The following ADGRE1 variants were observed in gnomAD, a reference collection of about 807,000 sequenced individuals.
ADGRE1 encodes the protein EGF-like module receptor 1.
Under a neutral mutation model 102.7 loss-of-function variants are expected in ADGRE1, and 82 were observed. That is an observed-to-expected ratio of 0.80 (90% CI 0.67 to 0.96). ADGRE1 has a LOEUF of 0.96. Ranked by LOEUF, ADGRE1 falls within the 40% of genes least tolerant of loss-of-function variation. The probability of loss-of-function intolerance (pLI) is 0.00; values close to 1 mark genes in which losing one functional copy is unlikely to be tolerated. For synonymous variants in ADGRE1, 398 were observed against 399.6 expected (o/e 1.00, Z 0.05); for missense variants, 1,032 against 1,085.3 (o/e 0.95, Z 0.69).
At chr19:6,903,285 T>C (rs388089) in intron 6 of ADGRE1, among the ~76,000 whole-genome samples, 56,282 of 152,052 alleles carry the variant, frequency 0.37, 12,240 homozygotes, top group African/African-American at 0.6. Context: ...TGGGCATGTC[T>C]TATGGAAAGC....
chr19:6,936,242 C>T (rs1975395242), intron 18 of ADGRE1, among the ~76,000 whole-genome samples: 1 of 152,058 alleles, frequency 6.6e-6, no homozygotes, highest in Non-Finnish European at 1.5e-5. Flanking sequence ...CGAGATCATC[C>T]TGGCTAACAT....
chr19:6,894,076 C>G (rs376766138), intron 2 of ADGRE1, among the ~76,000 whole-genome samples: 1 of 152,242 alleles, frequency 6.6e-6, no homozygotes, highest in African/African-American at 2.4e-5. Context: ...CATTCATTGC[C>G]CCTGGATGAT....
Position 6,926,503 on chromosome 19 carries a change from C to A in ADGRE1, c.2124C>A (p.Ile708=). ...TGAATTACTTCAGCTCTCGCAACAT[C>A]AAGATGCTGCACATCTGTGCCTTTG... ...KVVNYFSSRN[I]KMLHICAFGY... The change falls in exon 16 of 21, where the codon ATC becomes ATA. Residue 708 remains isoleucine (I), a synonymous_variant. Coordinates refer to ENST00000312053, the MANE Select transcript of ADGRE1 (RefSeq NM_001974.5). The A allele has an allele frequency of 6.2e-7, 1 of 1,614,248 alleles. No individual in the cohort carries two copies. The highest frequency in any genetic ancestry group is 8.5e-7 in the Non-Finnish European group (1 of 1,180,052).
At chr19:6,906,973 C>G (rs562229549) in intron 9 of ADGRE1, among the ~76,000 whole-genome samples, 1 of 152,084 alleles carries the variant, frequency 6.6e-6, no homozygotes, top group Non-Finnish European at 1.5e-5. Flanking sequence ...AATAAAAGAA[C>G]GGGAGAATAT....
chr19:6,894,869 C>T (rs1973494974), intron 2 of ADGRE1: 1 of 152,158 alleles, frequency 6.6e-6, no homozygotes, highest in Non-Finnish European at 1.5e-5. Flanking sequence ...ATCAACAGGG[C>T]TTGGAGGCTT....
chr19:6,898,694 C>A lies in ADGRE1; in HGVS notation c.514+1147C>A. The A allele has an allele frequency of 7.3e-6, 7 of 957,068 alleles. No individual in the cohort carries two copies. The South Asian group carries it at 1.1e-4, about 15-fold the overall frequency. 59.3% of individuals were successfully genotyped at this position (957,068 alleles called of 1,614,324 possible). On this transcript the variant is annotated intron_variant, in intron 5 of 20. Transcript: ENST00000312053. The stretch of plus-strand genomic sequence containing the variant: ...CAAGTTGGATTCATCTCTAGAAACT[C>A]TATCTCTTTATTATTTACCTGCTTA...
intron 6 of ADGRE1, among the ~76,000 whole-genome samples, chr19:6,902,460 A>C (rs1457384283): frequency 6.6e-6 from 1 of 151,716 alleles, no homozygotes; most frequent in Non-Finnish European, 1.5e-5. Flanking sequence ...TTTTGTTTTG[A>C]GATGGAGTCT....
rs911459773 is a variant in ADGRE1 at position 6,909,863 on chromosome 19, T to C, written c.1122+1091T>C. Among the ~76,000 whole-genome samples the C allele has an allele frequency of 6.6e-5, 10 of 152,022 alleles. No homozygotes were observed. In the South Asian group the frequency reaches 1.7e-3, roughly 25 times the overall value. Reference sequence around the variant, plus strand: ...GATTCTCCTGCCTCAGCCTCCCGAGTAGTTGGGATTACAGGCATGCGCCAC... The same window carrying C: ...GATTCTCCTGCCTCAGCCTCCCGAGCAGTTGGGATTACAGGCATGCGCCAC... On this transcript the variant is annotated intron_variant, in intron 10 of 20. Coordinates refer to ENST00000312053, the MANE Select transcript of ADGRE1 (RefSeq NM_001974.5).
In ADGRE1 at chr19:6,891,440, C is replaced by G. The variant is rs566023760; in HGVS notation, c.94+897C>G. 4.6e-5 allele frequency among the ~76,000 whole-genome samples: 7 copies of G among 151,500 alleles called. No individual in the cohort carries two copies. The East Asian group carries it at 1.4e-3, about 29-fold the overall frequency. On this transcript the variant is annotated intron_variant, in intron 2 of 20. Coordinates refer to ENST00000312053, the MANE Select transcript of ADGRE1 (RefSeq NM_001974.5). ...AGCAACTTGGTCTATATTGTGTTAA[C>G]AGCTCATCTTTCACATTTTTTTTTT...
chr19:6,887,736 A>G (rs1049800565), intron 1 of ADGRE1, 97 bp downstream of exon 1: 19 of 1,340,650 alleles, frequency 1.4e-5, no homozygotes, highest in East Asian at 1.2e-4. Context: ...CCAAGAGATC[A>G]TAAGTCCAGA....
Position 6,890,532 on chromosome 19 carries a change from C to G in ADGRE1, c.83C>G (p.Pro28Arg). The G allele has an allele frequency of 6.2e-7, 1 of 1,610,388 alleles. No homozygotes were observed. Among genetic ancestry groups the G allele is most frequent in the Non-Finnish European group, 8.5e-7 (1 of 1,178,660 alleles). The change falls in exon 2 of 21, where the codon CCA becomes CGA. Residue 28 changes from proline (P) to arginine (R), a missense_variant. Physicochemically the swap from Pro to Arg is moderately radical, Grantham distance 103. Coordinates refer to ENST00000312053, the MANE Select transcript of ADGRE1 (RefSeq NM_001974.5). Reference sequence around the variant, plus strand: ...GGGCACATAAGACCCACACGGAAACCAAACACAAAGGGTAAGTTGGCCAGA... The same window carrying G: ...GGGCACATAAGACCCACACGGAAACGAAACACAAAGGGTAAGTTGGCCAGA... ...WEGHIRPTRK[P>R]NTKGNNCRDS...
In ADGRE1 at chr19:6,896,394, C is replaced by G. The variant is rs1973551506; in HGVS notation, c.95-4C>G. On this transcript the variant is annotated splice_polypyrimidine_tract_variant and splice_region_variant and intron_variant, in intron 2 of 20. Coordinates refer to ENST00000312053, the MANE Select transcript of ADGRE1 (RefSeq NM_001974.5). ...GTCTAAACTTTTCTTTATACACTGC[C>G]TAGGTAATAACTGTAGAGACAGTAC... 1.2e-6 allele frequency: 2 copies of G among 1,613,530 alleles called. No individual in the cohort carries two copies. The highest frequency in any genetic ancestry group is 1.3e-5 in the African/African-American group (1 of 74,910).
chr19:6,934,179 G>C (rs1489610954), intron 17 of ADGRE1, among the ~76,000 whole-genome samples: 4 of 152,104 alleles, frequency 2.6e-5, no homozygotes, highest in African/African-American at 9.7e-5. Context: ...CTGCTTGGAG[G>C]CTGTTGCACG....
At chr19:6,913,877 G>A in intron 11 of ADGRE1, 47 bp downstream of exon 11, 3 of 1,467,406 alleles carry the variant, frequency 2.0e-6, no homozygotes, top group Non-Finnish European at 2.7e-6. Context: ...GGATGATTTT[G>A]AAAGTTGACT....
intron 8 of ADGRE1, 138 bp downstream of exon 8, chr19:6,904,320 A>AT: frequency 8.6e-7 from 1 of 1,158,766 alleles, no homozygotes; most frequent in Non-Finnish European, 1.2e-6. Context: ...TTCTTCATCC[A>AT]TTTACTCTTT....
intron 17 of ADGRE1, among the ~76,000 whole-genome samples, chr19:6,932,901 G>T (rs888210827): frequency 6.6e-6 from 1 of 152,146 alleles, no homozygotes; most frequent in African/African-American, 2.4e-5. Flanking sequence ...TAAATATTAG[G>T]TATGAACAAT....
intron 11 of ADGRE1, among the ~76,000 whole-genome samples, chr19:6,915,823 A>C (rs898782927): frequency 3.5e-5 from 5 of 144,840 alleles, no homozygotes; most frequent in Non-Finnish European, 6.0e-5. Flanking sequence ...TGGAAGGCTG[A>C]GGCAGGAGAA....
Position 6,901,996 on chromosome 19 carries a change from C to G in ADGRE1, c.636C>G (p.Phe212Leu), listed in dbSNP as rs1306396781. 2 of 1,614,024 alleles carry G rather than the reference C, an allele frequency of 1.2e-6. No homozygotes were observed. Among genetic ancestry groups the G allele is most frequent in the South Asian group, 1.1e-5 (1 of 91,092 alleles). The change falls in exon 6 of 21, where the codon TTC (phenylalanine) becomes TTG (leucine). Residue 212 changes from phenylalanine (F) to leucine (L), a missense_variant. Coordinates refer to ENST00000312053, the MANE Select transcript of ADGRE1 (RefSeq NM_001974.5). ...AATCCAGCAGTGGCCACTTGAGTTT[C>G]CAGGGTCTCAAAGCATCGTGTGAAG... Reference protein sequence around the residue: ...GFESSSGHLSFQGLKASCEDI... With the variant: ...GFESSSGHLSLQGLKASCEDI...
At chr19:6,901,844 C>T (rs1329106004) in intron 5 of ADGRE1, 31 bp from the exon 6 acceptor site, 12 of 1,611,654 alleles carry the variant, frequency 7.4e-6, no homozygotes, top group South Asian at 1.1e-5. Context: ...TCTCATTTAC[C>T]TTGACCTGGG....
Sources: gnomAD v4.1 joint callset for allele counts (sites outside exome capture counted in the v4.1 genomes callset) on GRCh38, gnomAD v4.1.1 for gene constraint, MANE v1.5 for transcripts, NCBI Gene and HGNC (gene_info 2026-07-23, HGNC 2026-07-21) for gene names.